Variants in RALB observed in about 807,000 individuals in gnomAD.
RALB encodes ras-related protein Ral-B.
RALB carries 16 observed loss-of-function variants against 21.3 expected under a neutral mutation model. The ratio of observed to expected loss-of-function variants is 0.75; its 90% CI spans 0.51 to 1.14. The LOEUF (loss-of-function observed/expected upper bound fraction) is 1.14. Ranked by LOEUF, RALB falls within the 50% of genes most tolerant of loss-of-function variation. RALB has a pLI of 0.00. For missense variants in RALB, 161 were observed against 256.2 expected (o/e 0.63, Z 2.54); for synonymous variants, 93 against 96.1 (o/e 0.97, Z 0.19).
At chr2:120,246,151 T>G (rs1346979602) in intron 1 of RALB, among the ~76,000 whole-genome samples, 1 of 152,168 alleles carries the variant, frequency 6.6e-6, no homozygotes, top group Non-Finnish European at 1.5e-5. Flanking sequence ...AAAATGCTGC[T>G]CATAAAAATT....
intron 1 of RALB, among the ~76,000 whole-genome samples, chr2:120,261,084 T>C (rs992278120): frequency 1.3e-5 from 2 of 152,206 alleles, no homozygotes; most frequent in African/African-American, 4.8e-5. Flanking sequence ...AGGTAAACTA[T>C]GCATTAAAGT....
chr2:120,251,461 G>C (rs1411298889), upstream of RALB, among the ~76,000 whole-genome samples: 1 of 152,206 alleles, frequency 6.6e-6, no homozygotes, highest in East Asian at 1.9e-4. Flanking sequence ...CTATAGCATG[G>C]AGGTGCTGCT....
chr2:120,286,102 G>T lies in RALB; in HGVS notation c.323+20G>T. On this transcript the variant is annotated intron_variant, in intron 3 of 4. Coordinates refer to ENST00000272519, the MANE Select transcript of RALB (RefSeq NM_002881.3). The stretch of plus-strand genomic sequence containing the variant: ...ATTCAGGTATGTCTGAAATGAAATA[G>T]CAGAAGCCCCCAGGAAGCTTTTTGC... The T allele has an allele frequency of 6.2e-7, 1 of 1,609,126 alleles. No homozygotes were observed.
chr2:120,273,641 C>T (rs752152573), intron 1 of RALB, among the ~76,000 whole-genome samples: 2 of 152,170 alleles, frequency 1.3e-5, no homozygotes, highest in Admixed American at 6.5e-5. Context: ...CTAGAAATTC[C>T]TCTCAGGGTT....
intron 1 of RALB, among the ~76,000 whole-genome samples, chr2:120,263,405 T>C (rs891541113): frequency 2.0e-5 from 3 of 152,092 alleles, no homozygotes; most frequent in Admixed American, 2.0e-4. Context: ...GCGATCTGCT[T>C]CTTTGGCCTC....
intron 1 of RALB, 68 bp downstream of exon 1, chr2:120,253,048 C>T (rs999413222): frequency 5.5e-6 from 5 of 902,520 alleles, no homozygotes; most frequent in Non-Finnish European, 6.6e-6. Flanking sequence ...GTACGCCGCA[C>T]GCCCGCAGCC....
At chr2:120,247,514 G>A (rs1440933988) in intron 1 of RALB, among the ~76,000 whole-genome samples, 3 of 152,172 alleles carry the variant, frequency 2.0e-5, no homozygotes, top group South Asian at 4.1e-4. Context: ...GATGGGGAAA[G>A]AGAAGCCCTC....
rs146135437 is a variant in RALB, at chr2:120,257,277, C to T, written c.-48+4297C>T. Among the ~76,000 whole-genome samples, 755 of 152,264 alleles carry T rather than the reference C, an allele frequency of 5.0e-3. 14 individuals carry two copies. Among genetic ancestry groups the T allele is most frequent in the African/African-American group, 0.017 (715 of 41,540 alleles). ...GGGAACCTAAACCCTCTTACTCCTCCCCATTATTTTAAAACTTTGGATACT... is the reference window on the plus strand; with the variant it reads ...GGGAACCTAAACCCTCTTACTCCTCTCCATTATTTTAAAACTTTGGATACT... On this transcript the variant is annotated intron_variant, in intron 1 of 4. Transcript: ENST00000272519.
At chr2:120,289,460 A>G in intron 3 of RALB, 120 bp from the exon 4 acceptor site, 1 of 1,044,938 alleles carries the variant, frequency 9.6e-7, no homozygotes, top group Non-Finnish European at 1.4e-6. Context: ...CATGCCCTAA[A>G]TCTAGTGATT....
intron 1 of RALB, among the ~76,000 whole-genome samples, chr2:120,272,931 A>G (rs1234306046): frequency 1.3e-5 from 2 of 152,206 alleles, no homozygotes; most frequent in Non-Finnish European, 2.9e-5. Context: ...TTTGAGGGCA[A>G]AGACTGTGTT....
rs1330925077 is a variant in RALB at position 120,276,602 on chromosome 2, C to CA, written c.-47-2008dup. The stretch of plus-strand genomic sequence containing the variant: ...TGGGTGACACAGTGAGACTCTGTCT[C>CA]AAAAAAAAGAAAAAAAAAAAAGGAG... On this transcript the variant is annotated intron_variant, in intron 1 of 4. Transcript: ENST00000272519. Among the ~76,000 whole-genome samples the CA allele has an allele frequency of 6.0e-4, 88 of 146,044 alleles. 1 individual carries two copies. The highest frequency in any genetic ancestry group is 4.9e-3 in the Admixed American group (72 of 14,600).
intron 1 of RALB, among the ~76,000 whole-genome samples, chr2:120,275,912 C>T (rs1689781239): frequency 6.6e-6 from 1 of 152,094 alleles, no homozygotes; most frequent in African/African-American, 2.4e-5. Context: ...AAAGGGTTGC[C>T]ATCCTGCAGT....
At chr2:120,253,799 C>G in intron 1 of RALB, 1 of 781,546 alleles carries the variant, frequency 1.3e-6, no homozygotes, top group Non-Finnish European at 1.6e-6. Context: ...AGAGACTTGG[C>G]TGATTGCTCA....
chr2:120,274,446 C>T (rs1689743873), intron 1 of RALB, among the ~76,000 whole-genome samples: 1 of 152,154 alleles, frequency 6.6e-6, no homozygotes, highest in South Asian at 2.1e-4. Context: ...ATCTGGACTC[C>T]TGGCAGCCAA....
chr2:120,260,753 A>G (rs1346026606), intron 1 of RALB, among the ~76,000 whole-genome samples: 2 of 152,264 alleles, frequency 1.3e-5, no homozygotes, highest in Non-Finnish European at 2.9e-5. Flanking sequence ...TTCCCTTTCC[A>G]GGCAGCGTTT....
At chr2:120,272,530 A>G (rs1158631454) in intron 1 of RALB, among the ~76,000 whole-genome samples, 1 of 152,226 alleles carries the variant, frequency 6.6e-6, no homozygotes, top group Non-Finnish European at 1.5e-5. Flanking sequence ...CAGTGAGTGT[A>G]TGGATTCACA....
intron 1 of RALB, among the ~76,000 whole-genome samples, chr2:120,242,599 G>A (rs576853103): frequency 7.7e-4 from 117 of 152,174 alleles, no homozygotes; most frequent in East Asian, 4.4e-3. Context: ...TTAGCCGGGC[G>A]TGGTGGCAGG....
chr2:120,264,266 C>T (rs1689443620), intron 1 of RALB, among the ~76,000 whole-genome samples: 1 of 152,088 alleles, frequency 6.6e-6, no homozygotes, highest in South Asian at 2.1e-4. Context: ...TTCTCCCTGC[C>T]TCAGCCTCTT....
intron 1 of RALB, among the ~76,000 whole-genome samples, chr2:120,273,975 C>T (rs1387430128): frequency 1.3e-5 from 2 of 152,204 alleles, no homozygotes; most frequent in African/African-American, 4.8e-5. Flanking sequence ...GTTTTCAATT[C>T]ATTTATTATT....
Sources: gnomAD v4.1 joint callset for allele counts (sites outside exome capture counted in the v4.1 genomes callset) on GRCh38, gnomAD v4.1.1 for gene constraint, MANE v1.5 for transcripts, NCBI Gene and HGNC (gene_info 2026-07-23, HGNC 2026-07-21) for gene names.